Variants in ATP8A2 observed in about 807,000 individuals in gnomAD.
The protein encoded by ATP8A2 is phospholipid-transporting ATPase IB.
ATP8A2 carries 100 observed loss-of-function variants against 165.6 expected under a neutral mutation model. The ratio of observed to expected loss-of-function variants is 0.60; its 90% CI spans 0.51 to 0.71. The LOEUF (loss-of-function observed/expected upper bound fraction) is 0.71. ATP8A2 is among the 30% of genes least tolerant of loss of function. The pLI is 0.00. For synonymous variants in ATP8A2, 543 were observed against 548.8 expected (o/e 0.99, Z 0.15); for missense variants, 1,227 against 1,479.5 (o/e 0.83, Z 2.80).
intron 6 of ATP8A2, among the ~76,000 whole-genome samples, chr13:25,535,062 A>C (rs983438898): frequency 6.6e-6 from 1 of 152,180 alleles, no homozygotes; most frequent in Non-Finnish European, 1.5e-5. Flanking sequence ...GGGAGGGGCC[A>C]CCTACCTAGA....
chr13:25,382,818 C>T (rs375795331), intron 1 of ATP8A2, among the ~76,000 whole-genome samples: 39 of 151,436 alleles, frequency 2.6e-4, no homozygotes, highest in East Asian at 1.2e-3. Flanking sequence ...TGCAGTGGCA[C>T]GATCTCAGCT....
intron 1 of ATP8A2, among the ~76,000 whole-genome samples, chr13:25,459,713 C>T (rs1432965742): frequency 1.3e-5 from 2 of 152,122 alleles, no homozygotes; most frequent in Non-Finnish European, 1.5e-5. Flanking sequence ...GAATGACATT[C>T]TAGGTGAAGA....
intron 1 of ATP8A2, among the ~76,000 whole-genome samples, chr13:25,461,657 C>T (rs1263202704): frequency 3.9e-5 from 6 of 152,050 alleles, no homozygotes; most frequent in African/African-American, 1.4e-4. Context: ...AGTTTGAATA[C>T]CTATGTTTAC....
chr13:25,870,169 G>A (rs920231982), intron 33 of ATP8A2, among the ~76,000 whole-genome samples: 37 of 152,156 alleles, frequency 2.4e-4, no homozygotes, highest in Admixed American at 1.2e-3. Context: ...GCCTGACGGC[G>A]CGCGGGTGCC....
chr13:25,517,536 A>G (rs2037520120), intron 2 of ATP8A2, among the ~76,000 whole-genome samples: 1 of 152,226 alleles, frequency 6.6e-6, no homozygotes, highest in African/African-American at 2.4e-5. Flanking sequence ...ACTATTTAAT[A>G]GGAATTATAG....
intron 24 of ATP8A2, among the ~76,000 whole-genome samples, chr13:25,610,079 C>G (rs1348968540): frequency 6.6e-6 from 1 of 151,942 alleles, no homozygotes; most frequent in East Asian, 1.9e-4. Flanking sequence ...GTTTACTCTA[C>G]TAATTGTTTC....
intron 36 of ATP8A2, among the ~76,000 whole-genome samples, chr13:26,018,858 G>A (rs1158744313): frequency 1.3e-5 from 2 of 152,124 alleles, no homozygotes; most frequent in Non-Finnish European, 2.9e-5. Context: ...TATCTCATAG[G>A]GTTTCTGGGA....
chr13:25,700,518 G>T (rs1195115658), intron 25 of ATP8A2, among the ~76,000 whole-genome samples: 1 of 152,100 alleles, frequency 6.6e-6, no homozygotes, highest in Non-Finnish European at 1.5e-5. Flanking sequence ...CTCCATCCCT[G>T]TTGTTTCATG....
chr13:25,690,473 GCA>G (rs66478851), intron 24 of ATP8A2, among the ~76,000 whole-genome samples: 15,880 of 152,004 alleles, frequency 0.1, 947 homozygotes, highest in East Asian at 0.26. Context: ...GCAAGCCCAT[GCA>G]CACACAGTGT....
At chr13:25,918,952 G>A (rs1954353299) in intron 33 of ATP8A2, among the ~76,000 whole-genome samples, 1 of 152,214 alleles carries the variant, frequency 6.6e-6, no homozygotes, top group Admixed American at 6.5e-5. Flanking sequence ...AGAAAAGGTA[G>A]TTTAAAATAC....
intron 25 of ATP8A2, among the ~76,000 whole-genome samples, chr13:25,710,502 A>G (rs2043138195): frequency 6.6e-6 from 1 of 152,120 alleles, no homozygotes; most frequent in African/African-American, 2.4e-5. Flanking sequence ...TCTCCGTAAG[A>G]TCTATTTTGT....
intron 27 of ATP8A2, among the ~76,000 whole-genome samples, chr13:25,826,071 A>C (rs1334371833): frequency 6.6e-6 from 1 of 152,158 alleles, no homozygotes; most frequent in African/African-American, 2.4e-5. Context: ...GTACATTTCA[A>C]AGTTGCTAAG....
intron 25 of ATP8A2, among the ~76,000 whole-genome samples, chr13:25,711,311 G>A (rs185588020): frequency 1.3e-5 from 2 of 152,044 alleles, no homozygotes; most frequent in African/African-American, 4.8e-5. Flanking sequence ...GGCCAGTCCT[G>A]TAGGTATTAA....
intron 2 of ATP8A2, among the ~76,000 whole-genome samples, chr13:25,513,763 C>T (rs930273386): frequency 4.6e-5 from 7 of 152,170 alleles, no homozygotes; most frequent in Non-Finnish European, 7.3e-5. Flanking sequence ...GAGACCAGCC[C>T]GGGCAACACA....
At chr13:25,879,959 C>CA (rs1459812098) in intron 33 of ATP8A2, among the ~76,000 whole-genome samples, 1 of 152,098 alleles carries the variant, frequency 6.6e-6, no homozygotes, top group Non-Finnish European at 1.5e-5. Flanking sequence ...TGCACACAGA[C>CA]AAAGCAAGAG....
chr13:25,884,751 C>T (rs1953090259), intron 33 of ATP8A2, among the ~76,000 whole-genome samples: 1 of 152,222 alleles, frequency 6.6e-6, no homozygotes, highest in South Asian at 2.1e-4. Flanking sequence ...GGGGCCCAAA[C>T]ATGAGAGCAC....
At chr13:25,708,063 A>T (rs1399837496) in intron 25 of ATP8A2, among the ~76,000 whole-genome samples, 1 of 151,948 alleles carries the variant, frequency 6.6e-6, no homozygotes, top group African/African-American at 2.4e-5. Flanking sequence ...CCCCTTTTTC[A>T]TGAATGATTA....
intron 35 of ATP8A2, among the ~76,000 whole-genome samples, chr13:25,979,949 G>A (rs370554670): frequency 5.3e-5 from 8 of 152,292 alleles, no homozygotes; most frequent in South Asian, 2.1e-4. Context: ...AGAGAAAAGC[G>A]TAACAGACTT....
At chr13:25,923,346 C>A (rs780174562) in intron 33 of ATP8A2, among the ~76,000 whole-genome samples, 1 of 152,172 alleles carries the variant, frequency 6.6e-6, no homozygotes, top group African/African-American at 2.4e-5. Context: ...AGCCAGCACA[C>A]CGCAAGACAT....
Sources: allele counts gnomAD v4.1 joint callset (sites outside exome capture counted in the v4.1 genomes callset), GRCh38; gene constraint gnomAD v4.1.1; transcripts MANE v1.5; gene names NCBI Gene and HGNC (gene_info 2026-07-23, HGNC 2026-07-21).